Variants in FARP1 observed in about 807,000 individuals in gnomAD.
The protein encoded by FARP1 is FERM, ARHGEF and pleckstrin domain-containing protein 1.
A neutral mutation model predicts 128.8 loss-of-function variants in FARP1; 52 were observed. The observed-to-expected ratio is 0.40, with a 90% CI of 0.32 to 0.51. FARP1 has a LOEUF of 0.51. FARP1 is among the 20% of genes least tolerant of loss of function. FARP1 has a pLI of 0.45. For missense variants in FARP1, 1,333 were observed against 1,367.9 expected (o/e 0.97, Z 0.40); for synonymous variants, 580 against 551.8 (o/e 1.05, Z -0.72).
chr13:98,194,018 C>T (rs1879407291), intron 1 of FARP1, among the ~76,000 whole-genome samples: 2 of 152,060 alleles, frequency 1.3e-5, no homozygotes, highest in Admixed American at 1.3e-4. Flanking sequence ...CTTTATCATG[C>T]TCTATAATGC....
chr13:98,440,782 G>A lies in FARP1; in HGVS notation c.2742G>A (p.Val914=), dbSNP rs1892492530. Residue 914 remains valine, a synonymous_variant, in exon 24 of 27, where the codon GTG becomes GTA. Coordinates refer to ENST00000319562, the MANE Select transcript of FARP1 (RefSeq NM_005766.4). ...APHRGNTMVH[V]CWHRNTSVSM... Reference sequence around the variant, plus strand: ...ACCGCGGCAACACAATGGTGCACGTGTGCTGGCACCGCAACACCAGCGTCT... The same window carrying A: ...ACCGCGGCAACACAATGGTGCACGTATGCTGGCACCGCAACACCAGCGTCT... 1 of 1,612,916 alleles carries A rather than the reference G, an allele frequency of 6.2e-7. No individual in the cohort carries two copies. Among genetic ancestry groups the A allele is most frequent in the African/African-American group, 1.3e-5 (1 of 74,940 alleles).
chr13:98,323,706 A>G (rs1887106824), intron 2 of FARP1, among the ~76,000 whole-genome samples: 1 of 143,124 alleles, frequency 7.0e-6, no homozygotes. Context: ...GAGCAGAAAG[A>G]CAGATTGTAA....
intron 2 of FARP1, among the ~76,000 whole-genome samples, chr13:98,223,988 A>G (rs1470328096): frequency 4.6e-5 from 7 of 152,212 alleles, no homozygotes; most frequent in Non-Finnish European, 1.0e-4. Context: ...ATAAAATGCA[A>G]TTGGCTATTA....
intron 2 of FARP1, 84 bp downstream of exon 2, chr13:98,213,497 A>G (rs1352126406): frequency 7.1e-7 from 1 of 1,406,014 alleles, no homozygotes; most frequent in Non-Finnish European, 9.7e-7. Context: ...TCCCATGGCC[A>G]GTGACATGAG....
intron 2 of FARP1, among the ~76,000 whole-genome samples, chr13:98,252,008 C>T (rs7330288): frequency 0.017 from 2,444 of 143,672 alleles, 70 homozygotes; most frequent in African/African-American, 0.053. Flanking sequence ...CCACCATGCC[C>T]GGTTATTTTT....
chr13:98,363,604 C>T (rs1328598756), intron 3 of FARP1, among the ~76,000 whole-genome samples: 1 of 152,146 alleles, frequency 6.6e-6, no homozygotes, highest in Non-Finnish European at 1.5e-5. Context: ...ACAGGCAACT[C>T]CAGACCGCTC....
chr13:98,328,144 A>G (rs998117336), intron 2 of FARP1: 1 of 152,194 alleles, frequency 6.6e-6, no homozygotes, highest in African/African-American at 2.4e-5. Flanking sequence ...TTTCATTGAC[A>G]TCACAAAAGG....
At chr13:98,371,924 AC>A (rs769028228) in intron 5 of FARP1, among the ~76,000 whole-genome samples, 1 of 152,110 alleles carries the variant, frequency 6.6e-6, no homozygotes, top group Non-Finnish European at 1.5e-5. Flanking sequence ...CTTTTGTTAA[AC>A]AAGAAGCTGG....
chr13:98,448,167 C>G, intron 26 of FARP1, 69 bp from the exon 27 acceptor site: 1 of 1,319,228 alleles, frequency 7.6e-7, no homozygotes, highest in East Asian at 2.3e-5. Flanking sequence ...TTTCTGTAAG[C>G]GATGCCCACC....
At chr13:98,260,727 T>C (rs1315091772) in intron 2 of FARP1, among the ~76,000 whole-genome samples, 1 of 152,248 alleles carries the variant, frequency 6.6e-6, no homozygotes, top group Non-Finnish European at 1.5e-5. Flanking sequence ...TTCTAACACG[T>C]AAGCTGCGTT....
intron 16 of FARP1, among the ~76,000 whole-genome samples, chr13:98,413,148 A>AT (rs1321822423): frequency 1.3e-5 from 2 of 152,142 alleles, no homozygotes; most frequent in Non-Finnish European, 2.9e-5. Context: ...GGCTTTGTAC[A>AT]TTTTTTATAC....
intron 1 of FARP1, among the ~76,000 whole-genome samples, chr13:98,159,240 A>C (rs1876701056): frequency 6.6e-6 from 1 of 152,118 alleles, no homozygotes; most frequent in African/African-American, 2.4e-5. Flanking sequence ...TTTTTACTTG[A>C]CCATTCAATG....
intron 2 of FARP1, among the ~76,000 whole-genome samples, chr13:98,256,952 T>A (rs1444794977): frequency 3.1e-5 from 1 of 31,904 alleles, no homozygotes; most frequent in Non-Finnish European, 4.9e-5. Context: ...TATGTGGATA[T>A]ATATATATAT....
At position 98,240,670 on chromosome 13, in the gene FARP1, G is replaced by A. The variant is rs764947454; in HGVS notation, c.171+27257G>A. Among the ~76,000 whole-genome samples, 9 of 152,196 alleles carry A rather than the reference G, an allele frequency of 5.9e-5. No homozygotes were observed. In the South Asian group the frequency reaches 1.9e-3, roughly 31 times the overall value. On this transcript the variant is annotated intron_variant, in intron 2 of 26. Transcript: ENST00000319562. ...GAGTCTAGAGAGGTGGTCCGCCTGC[G>A]GACGTCATCTCACTGGTCGGGAGAG...
intron 2 of FARP1, among the ~76,000 whole-genome samples, chr13:98,308,060 T>C (rs1377465140): frequency 9.6e-6 from 1 of 103,694 alleles, no homozygotes; most frequent in African/African-American, 3.8e-5. Flanking sequence ...TTTTTTTTTT[T>C]TTTTTGCTAA....
chr13:98,322,025 C>T (rs183415165), intron 2 of FARP1, among the ~76,000 whole-genome samples: 324 of 152,310 alleles, frequency 2.1e-3, no homozygotes, highest in Middle Eastern at 6.8e-3. Context: ...GGGCCAGGAG[C>T]GGTGGCTCAC....
chr13:98,323,913 C>T (rs1201000423), intron 2 of FARP1, among the ~76,000 whole-genome samples: 1 of 152,166 alleles, frequency 6.6e-6, no homozygotes, highest in South Asian at 2.1e-4. Flanking sequence ...AAGCTAACTT[C>T]CGAGCAATTA....
Position 98,446,332 on chromosome 13 carries a change from G to A in FARP1, c.2904+127G>A, listed in dbSNP as rs114145312. ...CAGGTGTCACGGGGATGACAGGGAT[G>A]CTGGCGGGGGGCCCTGTCCACCCGA... On this transcript the variant is annotated intron_variant, in intron 25 of 26. Transcript: ENST00000319562. 1,310 of 651,944 alleles carry A rather than the reference G, an allele frequency of 2.0e-3. 8 individuals are homozygous for A. The African/African-American group carries it at 0.021, about 10-fold the overall frequency. 40.4% of individuals were successfully genotyped at this position (651,944 alleles called of 1,614,324 possible).
intron 2 of FARP1, among the ~76,000 whole-genome samples, chr13:98,262,232 C>G (rs1883919994): frequency 6.7e-6 from 1 of 149,080 alleles, no homozygotes; most frequent in Non-Finnish European, 1.5e-5. Flanking sequence ...GTTGTGTAGG[C>G]TGGTCTTGAA....
Sources: allele counts gnomAD v4.1 joint callset (sites outside exome capture counted in the v4.1 genomes callset), GRCh38; gene constraint gnomAD v4.1.1; transcripts MANE v1.5; gene names NCBI Gene and HGNC (gene_info 2026-07-23, HGNC 2026-07-21).